Variants in GNB1 observed in about 807,000 individuals in gnomAD.
The protein encoded by GNB1 is G protein subunit beta 1.
Under a neutral mutation model 42.9 loss-of-function variants are expected in GNB1, and 2 were observed. The observed-to-expected ratio is 0.05, with a 90% confidence interval of 0.02 to 0.15. The LOEUF is 0.15. GNB1 is among the 10% of genes least tolerant of loss of function. GNB1 has a pLI of 1.00. For synonymous variants in GNB1, 183 were observed against 174.7 expected, an observed-to-expected ratio of 1.05 and a Z score of -0.38; for missense variants, 193 against 462.2, an observed-to-expected ratio of 0.42 and a Z score of 5.34.
intron 5 of GNB1, among the ~76,000 whole-genome samples, chr1:1,810,617 A>AATAC (rs1341753012): frequency 1.3e-5 from 2 of 151,722 alleles, no homozygotes; most frequent in Non-Finnish European, 2.9e-5. Flanking sequence ...CTGATACATT[A>AATAC]ATACATACAT....
At chr1:1,842,825 C>T (rs901506362) in intron 1 of GNB1, among the ~76,000 whole-genome samples, 1 of 152,218 alleles carries the variant, frequency 6.6e-6, no homozygotes. Context: ...TGTGAAAAGG[C>T]ACACAGGAGT....
At chr1:1,865,288 A>C (rs1313609772) in intron 1 of GNB1, among the ~76,000 whole-genome samples, 5 of 133,728 alleles carry the variant, frequency 3.7e-5, no homozygotes, top group Non-Finnish European at 4.7e-5. Context: ...ACAAAAAAAA[A>C]CCAAAAAAAA....
intron 7 of GNB1, among the ~76,000 whole-genome samples, chr1:1,800,723 A>T (rs1243955143): frequency 6.6e-6 from 1 of 151,842 alleles, no homozygotes; most frequent in Non-Finnish European, 1.5e-5. Context: ...ACCTACGTGC[A>T]AACTGCTAAA....
chr1:1,810,090 T>A (rs901939368), intron 5 of GNB1, among the ~76,000 whole-genome samples: 1 of 151,912 alleles, frequency 6.6e-6, no homozygotes, highest in African/African-American at 2.4e-5. Context: ...ATATATATAT[T>A]TTTTGAGATG....
At chr1:1,862,005 T>C (rs1362112809) in intron 1 of GNB1, among the ~76,000 whole-genome samples, 1 of 151,784 alleles carries the variant, frequency 6.6e-6, no homozygotes, top group Non-Finnish European at 1.5e-5. Context: ...GGTCGGAGGT[T>C]GCAGTGAGCT....
intron 1 of GNB1, among the ~76,000 whole-genome samples, chr1:1,852,703 G>C (rs1315125962): frequency 6.6e-6 from 1 of 150,922 alleles, no homozygotes; most frequent in Non-Finnish European, 1.5e-5. Context: ...AAAAAAAAGT[G>C]AATGTCTTGT....
At chr1:1,832,359 T>C (rs1309412080) in intron 2 of GNB1, 4 of 152,252 alleles carry the variant, frequency 2.6e-5, no homozygotes, top group Admixed American at 2.6e-4. Context: ...GCTCTGGCTG[T>C]GCTGACTCCA....
At chr1:1,867,782 T>C (rs900794004) in intron 1 of GNB1, among the ~76,000 whole-genome samples, 1 of 152,212 alleles carries the variant, frequency 6.6e-6, no homozygotes, top group African/African-American at 2.4e-5. Flanking sequence ...TTTCATAGCT[T>C]ATAGCCTTAT....
intron 5 of GNB1, among the ~76,000 whole-genome samples, chr1:1,815,325 C>A (rs1646839247): frequency 6.6e-6 from 1 of 152,108 alleles, no homozygotes; most frequent in South Asian, 2.1e-4. Flanking sequence ...CCCTCAGGAT[C>A]CTCGGGGCAG....
chr1:1,855,193 TAC>T (rs1648206717), intron 1 of GNB1, among the ~76,000 whole-genome samples: 1 of 144,124 alleles, frequency 6.9e-6, no homozygotes, highest in Non-Finnish European at 1.5e-5. Flanking sequence ...TGGTGGTGGA[TAC>T]CTGTAATCCC....
At chr1:1,843,992 G>A (rs933956648) in intron 1 of GNB1, among the ~76,000 whole-genome samples, 2 of 152,128 alleles carry the variant, frequency 1.3e-5, no homozygotes, top group Middle Eastern at 3.4e-3. Flanking sequence ...TCAGGAGATC[G>A]AGACCATCCT....
At chr1:1,859,996 T>C (rs1022263014) in intron 1 of GNB1, among the ~76,000 whole-genome samples, 9 of 152,134 alleles carry the variant, frequency 5.9e-5, no homozygotes, top group Non-Finnish European at 1.3e-4. Context: ...ACATGGCACA[T>C]GTATACATAT....
chr1:1,825,951 T>C (rs1388284607), intron 2 of GNB1, among the ~76,000 whole-genome samples: 1 of 152,048 alleles, frequency 6.6e-6, no homozygotes, highest in Non-Finnish European at 1.5e-5. Flanking sequence ...ACTTATACAA[T>C]GGCTAAGTAG....
intron 1 of GNB1, among the ~76,000 whole-genome samples, chr1:1,851,696 G>C (rs917187918): frequency 2.0e-5 from 3 of 152,160 alleles, no homozygotes; most frequent in Non-Finnish European, 4.4e-5. Flanking sequence ...AGTCTTGCAG[G>C]CTACCATGAG....
intron 5 of GNB1, among the ~76,000 whole-genome samples, chr1:1,807,899 C>G (rs1646723553): frequency 6.6e-6 from 1 of 152,020 alleles, no homozygotes; most frequent in South Asian, 2.1e-4. Context: ...TTAGCAGAGA[C>G]AGGGTCTCAC....
chr1:1,814,815 A>AG (rs1553195838), intron 5 of GNB1, among the ~76,000 whole-genome samples: 47,796 of 135,352 alleles, frequency 0.35, 10,410 homozygotes, highest in Admixed American at 0.49. Flanking sequence ...AAAAAAAAAA[A>AG]AAAAAGAAAA....
rs1646406891 is a variant in GNB1, at chr1:1,786,400, A to C, written c.*663T>G. The C allele has an allele frequency of 8.1e-6, 2 of 247,362 alleles. No homozygotes were observed. The highest frequency in any genetic ancestry group is 4.4e-5 in the African/African-American group (2 of 45,266). 15.3% of individuals were successfully genotyped at this position (247,362 alleles called of 1,614,324 possible). ...ACCGTCCCCGCATGTGCTTGGCCCC[A>C]TGGCTTCTGAACATGTTCTTTTCTA... is the stretch of plus-strand genomic sequence containing the variant. On this transcript the variant is annotated 3_prime_UTR_variant, in exon 12 of 12. Transcript: ENST00000378609.
At chr1:1,825,836 G>T (rs1479699938) in intron 2 of GNB1, among the ~76,000 whole-genome samples, 2 of 150,920 alleles carry the variant, frequency 1.3e-5, no homozygotes, top group African/African-American at 4.9e-5. Context: ...GTGCACTCCA[G>T]CCCGGGCTTC....
intron 1 of GNB1, among the ~76,000 whole-genome samples, chr1:1,840,185 G>A (rs552199732): frequency 5.3e-5 from 8 of 149,824 alleles, no homozygotes; most frequent in South Asian, 2.1e-4. Context: ...TGGAGATCAC[G>A]CCACTACACT....
Sources: gnomAD v4.1 joint callset for allele counts (sites outside exome capture counted in the v4.1 genomes callset) on GRCh38, gnomAD v4.1.1 for gene constraint, MANE v1.5 for transcripts, NCBI Gene and HGNC (gene_info 2026-07-23, HGNC 2026-07-21) for gene names.